C10orf90: variants seen among roughly 807,000 people sequenced by gnomAD.
C10orf90 encodes (E2-independent) E3 ubiquitin-conjugating enzyme FATS.
A neutral mutation model predicts 62.5 loss-of-function variants in C10orf90; 56 were observed. That is an observed-to-expected ratio of 0.90 (90% CI 0.72 to 1.12). C10orf90 has a LOEUF of 1.12. Ranked by LOEUF, C10orf90 falls within the 50% of genes most tolerant of loss-of-function variation. The pLI is 0.00. For missense variants in C10orf90, 970 were observed against 880.4 expected (o/e 1.10, Z -1.29); for synonymous variants, 386 against 340.4 (o/e 1.13, Z -1.47).
intron 1 of C10orf90, among the ~76,000 whole-genome samples, chr10:126,650,755 T>G (rs1030214825): frequency 1.3e-5 from 2 of 152,178 alleles, no homozygotes; most frequent in Non-Finnish European, 2.9e-5. Flanking sequence ...CTAGGACACA[T>G]AGATTTTTAA....
chr10:126,499,978 A>C (rs1862280696), intron 4 of C10orf90, among the ~76,000 whole-genome samples: 1 of 152,190 alleles, frequency 6.6e-6, no homozygotes, highest in South Asian at 2.1e-4. Context: ...TCAGGCATGC[A>C]CATCCGGTGA....
chr10:126,591,531 T>C (rs2134028613), intron 2 of C10orf90, among the ~76,000 whole-genome samples: 1 of 152,220 alleles, frequency 6.6e-6, no homozygotes, highest in African/African-American at 2.4e-5. Flanking sequence ...AGACTAGGTA[T>C]TGAAGGAACA....
At chr10:126,461,341 A>AAATCT in intron 6 of C10orf90, 60 bp downstream of exon 6, 1 of 1,578,448 alleles carries the variant, frequency 6.3e-7, no homozygotes, top group Middle Eastern at 1.7e-4. Context: ...GTGCTCACGG[A>AAATCT]CTCCCTAGGA....
chr10:126,466,216 A>G (rs56065202), intron 4 of C10orf90, among the ~76,000 whole-genome samples: 4,806 of 152,076 alleles, frequency 0.032, 281 homozygotes, highest in African/African-American at 0.11. Context: ...GTTGGGACAG[A>G]AAAAAACACA....
At chr10:126,518,245 C>T (rs1863549932) in intron 2 of C10orf90, among the ~76,000 whole-genome samples, 1 of 152,198 alleles carries the variant, frequency 6.6e-6, no homozygotes, top group South Asian at 2.1e-4. Context: ...TGGAAATTCA[C>T]ATTCTTGTGT....
intron 2 of C10orf90, among the ~76,000 whole-genome samples, chr10:126,611,201 T>C (rs143784782): frequency 1.3e-5 from 2 of 152,308 alleles, no homozygotes; most frequent in Admixed American, 1.3e-4. Context: ...TCTGGCTCTA[T>C]GGGTTTCCCT....
rs574406887 is a variant in C10orf90, at chr10:126,483,680, A to G, written c.1535-18694T>C. On this transcript the variant is annotated intron_variant, in intron 4 of 9. Coordinates refer to ENST00000488181, the MANE Select transcript of C10orf90 (RefSeq NM_001350921.2). Reference sequence around the variant, plus strand: ...AGAATAAGACTTCAGCATTAGCTCTATAAGCATAGATTTCATGCCAACCAG... The same window carrying G: ...AGAATAAGACTTCAGCATTAGCTCTGTAAGCATAGATTTCATGCCAACCAG... 2.6e-5 allele frequency among the ~76,000 whole-genome samples: 4 copies of G among 152,384 alleles called. No homozygotes were observed. In the South Asian group the frequency reaches 6.2e-4, roughly 24 times the overall value.
rs148811768 is a variant in C10orf90 at position 126,618,997 on chromosome 10, T to TA, written c.313+27567dup. Among the ~76,000 whole-genome samples, 10 of 152,086 alleles carry TA rather than the reference T, an allele frequency of 6.6e-5. No individual in the cohort carries two copies. In the East Asian group the frequency reaches 7.7e-4, roughly 12 times the overall value. ...TACACCATGGAATACTATGCAGCCA[T>TA]AAAAAAAATGAGATCATGTCTTTTG... On this transcript the variant is annotated intron_variant, in intron 2 of 9. Coordinates refer to ENST00000488181, the MANE Select transcript of C10orf90 (RefSeq NM_001350921.2).
chr10:126,548,160 C>T (rs1300927747), intron 2 of C10orf90, among the ~76,000 whole-genome samples: 2 of 152,120 alleles, frequency 1.3e-5, no homozygotes, highest in South Asian at 2.1e-4. Context: ...ATCAAAATCT[C>T]AACAAGATTT....
intron 2 of C10orf90, among the ~76,000 whole-genome samples, chr10:126,614,422 T>C (rs1433660520): frequency 6.6e-6 from 1 of 152,166 alleles, no homozygotes; most frequent in Non-Finnish European, 1.5e-5. Context: ...TTCAGTGGAT[T>C]CAGGGTTAGA....
At chr10:126,450,623 G>A (rs941147425) in intron 7 of C10orf90, among the ~76,000 whole-genome samples, 1 of 152,158 alleles carries the variant, frequency 6.6e-6, no homozygotes, top group African/African-American at 2.4e-5. Context: ...ATTGAGTTGG[G>A]AAGATTGGAT....
intron 1 of C10orf90, among the ~76,000 whole-genome samples, chr10:126,659,244 C>T (rs1473963091): frequency 6.6e-6 from 1 of 152,166 alleles, no homozygotes; most frequent in Admixed American, 6.5e-5. Flanking sequence ...CAACCTAGAG[C>T]CATGCACTGA....
At chr10:126,506,627 C>T (rs1862749196) in intron 3 of C10orf90, among the ~76,000 whole-genome samples, 1 of 152,216 alleles carries the variant, frequency 6.6e-6, no homozygotes, top group Non-Finnish European at 1.5e-5. Context: ...ACCCAGGCAT[C>T]TGCATTTCAA....
chr10:126,583,800 T>G (rs1414576851), intron 2 of C10orf90, among the ~76,000 whole-genome samples: 8 of 152,166 alleles, frequency 5.3e-5, no homozygotes, highest in African/African-American at 1.7e-4. Flanking sequence ...CTAGCTGAAA[T>G]GATAAACAAA....
At chr10:126,608,656 G>A (rs1845367438) in intron 2 of C10orf90, among the ~76,000 whole-genome samples, 1 of 152,096 alleles carries the variant, frequency 6.6e-6, no homozygotes, top group South Asian at 2.1e-4. Context: ...ACATCACAAT[G>A]GATTATATGC....
chr10:126,653,685 A>G (rs879229869), intron 1 of C10orf90, among the ~76,000 whole-genome samples: 1 of 152,188 alleles, frequency 6.6e-6, no homozygotes, highest in Admixed American at 6.5e-5. Flanking sequence ...TTCACGGATC[A>G]TGAATGTTCC....
intron 4 of C10orf90, among the ~76,000 whole-genome samples, chr10:126,490,206 A>G (rs1210961294): frequency 2.8e-5 from 4 of 144,242 alleles, no homozygotes; most frequent in Non-Finnish European, 6.1e-5. Flanking sequence ...TTAACAGGAA[A>G]GAAATTCTAA....
At position 126,533,855 on chromosome 10, in the gene C10orf90, G is replaced by A. The variant is rs947075447; in HGVS notation, c.314-19916C>T. Among the ~76,000 whole-genome samples the A allele has an allele frequency of 3.9e-5, 6 of 152,338 alleles. No individual in the cohort carries two copies. In the East Asian group the frequency reaches 1.2e-3, roughly 29 times the overall value. ...GCTAACAAGTGGCAGCTGCCAATAG[G>A]TATGAGAGCTAATTAAATGTTTGCT... On this transcript the variant is annotated intron_variant, in intron 2 of 9. Transcript: ENST00000488181.
intron 5 of C10orf90, among the ~76,000 whole-genome samples, chr10:126,464,432 G>C (rs541857819): frequency 6.6e-6 from 1 of 152,092 alleles, no homozygotes; most frequent in South Asian, 2.1e-4. Flanking sequence ...TGTGCACCTG[G>C]GTGTGGTCTT....
Sources: gnomAD v4.1 joint callset for allele counts (sites outside exome capture counted in the v4.1 genomes callset) on GRCh38, gnomAD v4.1.1 for gene constraint, MANE v1.5 for transcripts, NCBI Gene and HGNC (gene_info 2026-07-23, HGNC 2026-07-21) for gene names.